KCNQ5: variants seen among roughly 807,000 people sequenced by gnomAD.
KCNQ5 encodes the protein potassium voltage-gated channel subfamily KQT member 5.
A neutral mutation model predicts 98.2 loss-of-function variants in KCNQ5; 30 were observed. That is an observed-to-expected ratio of 0.31 (90% CI 0.23 to 0.41). KCNQ5 has a LOEUF of 0.41. KCNQ5 is among the 10% of genes least tolerant of loss of function. The pLI is 1.00. For synonymous variants in KCNQ5, 458 were observed against 449.4 expected (o/e 1.02, Z -0.24); for missense variants, 835 against 1,182.5 (o/e 0.71, Z 4.31).
chr6:73,127,600 A>T (rs1327432076), intron 9 of KCNQ5, among the ~76,000 whole-genome samples: 1 of 152,178 alleles, frequency 6.6e-6, no homozygotes, highest in Non-Finnish European at 1.5e-5. Flanking sequence ...TGTCGAACAC[A>T]TTTATAGAAC....
At position 72,847,563 on chromosome 6, in the gene KCNQ5, T is replaced by C. The variant is rs113056316; in HGVS notation, c.399-156345T>C. Among the ~76,000 whole-genome samples the C allele has an allele frequency of 5.8e-3, 881 of 152,268 alleles. 6 individuals are homozygous for C. The highest frequency in any genetic ancestry group is 0.02 in the African/African-American group (834 of 41,548). On this transcript the variant is annotated intron_variant, in intron 1 of 13. Transcript: ENST00000370398. Reference sequence around the variant, plus strand: ...TTGAGAATTGGCCTTAGGCAAAGCTTAAAAGTCAAAACTTGGTCTTTCAAA... The same window carrying C: ...TTGAGAATTGGCCTTAGGCAAAGCTCAAAAGTCAAAACTTGGTCTTTCAAA...
intron 1 of KCNQ5, among the ~76,000 whole-genome samples, chr6:72,667,630 C>A (rs113567389): frequency 7.9e-5 from 12 of 152,112 alleles, no homozygotes; most frequent in African/African-American, 2.9e-4. Flanking sequence ...AAAAATCAAG[C>A]AGGTACCAGT....
Position 72,913,723 on chromosome 6 carries a change from C to T in KCNQ5, c.399-90185C>T, listed in dbSNP as rs117667376. Among the ~76,000 whole-genome samples the T allele has an allele frequency of 6.7e-3, 1,026 of 152,318 alleles. 3 individuals carry two copies. The highest frequency in any genetic ancestry group is 0.021 in the East Asian group (107 of 5,184). On this transcript the variant is annotated intron_variant, in intron 1 of 13. Transcript: ENST00000370398. ...ATCTTCTCTTCCCATCTTAGAGTCA[C>T]GGCTGAGGCCCCTGTAAGAAAAGAC...
chr6:72,818,434 AGG>A (rs1775598676), intron 1 of KCNQ5, among the ~76,000 whole-genome samples: 1 of 152,062 alleles, frequency 6.6e-6, no homozygotes, highest in Non-Finnish European at 1.5e-5. Context: ...ACAGCAAGGA[AGG>A]GTATTTTTCT....
intron 1 of KCNQ5, among the ~76,000 whole-genome samples, chr6:72,981,357 G>A (rs765841149): frequency 5.9e-5 from 9 of 151,900 alleles, no homozygotes; most frequent in Non-Finnish European, 1.0e-4. Flanking sequence ...GTCTATTCAG[G>A]GATTCAACTT....
chr6:73,113,153 T>C (rs1775322640), intron 7 of KCNQ5, among the ~76,000 whole-genome samples: 1 of 152,204 alleles, frequency 6.6e-6, no homozygotes, highest in Non-Finnish European at 1.5e-5. Context: ...GCTTTCATCC[T>C]TTAGCACTCC....
rs560924926 is a variant in KCNQ5 at position 72,678,166 on chromosome 6, A to G, written c.398+55579A>G. Among the ~76,000 whole-genome samples, 6 of 152,338 alleles carry G rather than the reference A, an allele frequency of 3.9e-5. No homozygotes were observed. In the South Asian group the frequency reaches 1.0e-3, roughly 26 times the overall value. ...GACCTTGCTTCTCTAGCTGAAATCT[A>G]TTGACTCTCTCAGAAGTATTGCTAG... On this transcript the variant is annotated intron_variant, in intron 1 of 13. Transcript: ENST00000370398.
At chr6:73,016,686 A>C (rs1770362963) in intron 2 of KCNQ5, among the ~76,000 whole-genome samples, 1 of 152,242 alleles carries the variant, frequency 6.6e-6, no homozygotes, top group East Asian at 1.9e-4. Context: ...CAGAGGCAGC[A>C]TGAATAGCGA....
intron 1 of KCNQ5, among the ~76,000 whole-genome samples, chr6:72,864,008 T>C (rs1314514320): frequency 6.6e-6 from 1 of 152,180 alleles, no homozygotes; most frequent in African/African-American, 2.4e-5. Context: ...TTATTGGCAT[T>C]GCAGAGGGAT....
chr6:72,876,876 G>C (rs1027208521), intron 1 of KCNQ5, among the ~76,000 whole-genome samples: 12 of 152,136 alleles, frequency 7.9e-5, no homozygotes, highest in African/African-American at 2.9e-4. Context: ...AGAGATTTGA[G>C]ACTAAAACAC....
At chr6:72,623,391 A>AGTGTGTGTGTGTGT (rs1214797915) in intron 1 of KCNQ5, among the ~76,000 whole-genome samples, 4,958 of 143,056 alleles carry the variant, frequency 0.035, 108 homozygotes, top group Middle Eastern at 0.057. Context: ...GGAGTCAAAG[A>AGTGTGTGTGTGTGT]GTGTGTGTGT....
chr6:73,018,306 G>A (rs970263381), intron 2 of KCNQ5, among the ~76,000 whole-genome samples: 4 of 152,052 alleles, frequency 2.6e-5, no homozygotes, highest in Non-Finnish European at 5.9e-5. Flanking sequence ...GGATGCCCAG[G>A]GTCACTGTAG....
chr6:72,856,445 TACACACAC>T (rs759343724), intron 1 of KCNQ5, among the ~76,000 whole-genome samples: 1 of 129,734 alleles, frequency 7.7e-6, no homozygotes, highest in Non-Finnish European at 1.6e-5. Context: ...TATGTATACA[TACACACAC>T]ACACACACAC....
intron 1 of KCNQ5, among the ~76,000 whole-genome samples, chr6:72,911,239 T>C (rs190678550): frequency 1.2e-4 from 19 of 152,206 alleles, no homozygotes; most frequent in African/African-American, 4.3e-4. Context: ...TAACTCCCAA[T>C]GTGATGGTAT....
intron 2 of KCNQ5, among the ~76,000 whole-genome samples, chr6:73,030,648 C>T (rs766868946): frequency 1.7e-4 from 26 of 152,220 alleles, no homozygotes; most frequent in Non-Finnish European, 3.2e-4. Context: ...TTCTGTTTTG[C>T]TAGGAAGTCT....
intron 1 of KCNQ5, among the ~76,000 whole-genome samples, chr6:72,630,090 ACT>A (rs2098919989): frequency 6.6e-6 from 1 of 152,214 alleles, no homozygotes; most frequent in African/African-American, 2.4e-5. Flanking sequence ...GCACATACAT[ACT>A]GTTATCTTTT....
chr6:73,060,595 AC>A (rs1772734408), intron 3 of KCNQ5, among the ~76,000 whole-genome samples: 1 of 152,152 alleles, frequency 6.6e-6, no homozygotes, highest in African/African-American at 2.4e-5. Flanking sequence ...GATAAACTAA[AC>A]AGCAACGTCA....
At chr6:72,777,658 G>A (rs1314509413) in intron 1 of KCNQ5, among the ~76,000 whole-genome samples, 1 of 152,146 alleles carries the variant, frequency 6.6e-6, no homozygotes, top group Non-Finnish European at 1.5e-5. Flanking sequence ...AGGTCAAAAG[G>A]TACCTTCTTG....
intron 2 of KCNQ5, among the ~76,000 whole-genome samples, chr6:73,032,680 C>T (rs1771203324): frequency 3.3e-5 from 5 of 152,154 alleles, no homozygotes; most frequent in Admixed American, 3.3e-4. Context: ...GAATACATAT[C>T]TGGGTCCAGT....
Sources: gnomAD v4.1 joint callset for allele counts (sites outside exome capture counted in the v4.1 genomes callset) on GRCh38, gnomAD v4.1.1 for gene constraint, MANE v1.5 for transcripts, NCBI Gene and HGNC (gene_info 2026-07-23, HGNC 2026-07-21) for gene names.